CSMD1: variants seen among roughly 807,000 people sequenced by gnomAD.
CSMD1 encodes CUB and Sushi multiple domains 1.
Under a neutral mutation model 417.5 loss-of-function variants are expected in CSMD1, and 213 were observed. That is an observed-to-expected ratio of 0.51 (90% CI 0.46 to 0.57). The LOEUF is 0.57. Among genes scored for constraint, CSMD1 ranks in the 20% least tolerant of loss-of-function variants. The probability of loss-of-function intolerance (pLI) is 0.00; values close to 1 mark genes in which losing one functional copy is unlikely to be tolerated. For missense variants in CSMD1, 6,923 were observed against 4,529.7 expected, an observed-to-expected ratio of 1.53 and a Z score of -15.17; for synonymous variants, 2,862 against 1,736.8, an observed-to-expected ratio of 1.65 and a Z score of -16.11.
intron 3 of CSMD1, among the ~76,000 whole-genome samples, chr8:4,255,301 A>G (rs1803375616): frequency 6.6e-6 from 1 of 152,126 alleles, no homozygotes; most frequent in Non-Finnish European, 1.5e-5. Context: ...GACCTCCTAT[A>G]TTGGTGAACT....
chr8:3,077,862 C>T (rs1347052117), intron 49 of CSMD1, among the ~76,000 whole-genome samples: 1 of 152,236 alleles, frequency 6.6e-6, no homozygotes. Context: ...GCACACAGGG[C>T]ATTTCACTGT....
At chr8:3,894,681 T>C (rs1807235871) in intron 5 of CSMD1, among the ~76,000 whole-genome samples, 1 of 152,154 alleles carries the variant, frequency 6.6e-6, no homozygotes, top group Non-Finnish European at 1.5e-5. Context: ...ATTGAAAAGT[T>C]CATTGATCCT....
chr8:4,482,671 A>G (rs1310700918), intron 2 of CSMD1, among the ~76,000 whole-genome samples: 1 of 152,168 alleles, frequency 6.6e-6, no homozygotes, highest in Non-Finnish European at 1.5e-5. Context: ...GAGTTTCCAC[A>G]CTGTCTTCCA....
At chr8:3,294,153 C>T (rs755067877) in intron 25 of CSMD1, among the ~76,000 whole-genome samples, 2 of 152,198 alleles carry the variant, frequency 1.3e-5, no homozygotes, top group African/African-American at 2.4e-5. Flanking sequence ...TGTTGGTGAA[C>T]AGCAAATGCT....
intron 3 of CSMD1, among the ~76,000 whole-genome samples, chr8:4,273,319 A>G (rs1272601361): frequency 2.0e-5 from 3 of 152,146 alleles, no homozygotes; most frequent in Non-Finnish European, 4.4e-5. Flanking sequence ...TTTTATGTCA[A>G]AAGTCATGAA....
intron 3 of CSMD1, among the ~76,000 whole-genome samples, chr8:4,257,752 A>G (rs1803567661): frequency 6.6e-6 from 1 of 152,168 alleles, no homozygotes; most frequent in Non-Finnish European, 1.5e-5. Flanking sequence ...CCCGTTTGTT[A>G]GGCCAAGGAT....
chr8:4,799,598 CAAAAAAAAA>C (rs1168273531), intron 1 of CSMD1, among the ~76,000 whole-genome samples: 5 of 47,152 alleles, frequency 1.1e-4, no homozygotes, highest in African/African-American at 3.0e-4. Flanking sequence ...GACTCCGTCT[CAAAAAAAAA>C]AAAAAAAAAA....
At chr8:3,462,174 G>T (rs1286496151) in intron 12 of CSMD1, among the ~76,000 whole-genome samples, 1 of 152,062 alleles carries the variant, frequency 6.6e-6, no homozygotes, top group African/African-American at 2.4e-5. Flanking sequence ...TTTCTTTTCA[G>T]GAATCATCCC....
At chr8:3,064,413 C>T (rs113566718) in intron 49 of CSMD1, among the ~76,000 whole-genome samples, 141 of 152,288 alleles carry the variant, frequency 9.3e-4, no homozygotes, top group African/African-American at 3.1e-3. Flanking sequence ...AAGGGACTTG[C>T]TTCCCCTTCG....
At chr8:3,441,170 A>G (rs989803119) in intron 12 of CSMD1, among the ~76,000 whole-genome samples, 11 of 152,072 alleles carry the variant, frequency 7.2e-5, no homozygotes, top group African/African-American at 2.7e-4. Context: ...TAAGCTGTAA[A>G]AGGCTGGGAA....
intron 5 of CSMD1, among the ~76,000 whole-genome samples, chr8:3,897,270 G>C (rs889048690): frequency 4.6e-5 from 7 of 152,172 alleles, no homozygotes; most frequent in Non-Finnish European, 1.0e-4. Flanking sequence ...AGTGTGACTA[G>C]CAATTTTAAT....
chr8:4,916,213 G>A (rs1251038139), intron 1 of CSMD1, among the ~76,000 whole-genome samples: 1 of 152,180 alleles, frequency 6.6e-6, no homozygotes, highest in Non-Finnish European at 1.5e-5. Context: ...CAGCTCCGTA[G>A]ATGACCACAA....
At position 3,475,332 on chromosome 8, in the gene CSMD1, G is replaced by C. The variant is rs572150228; in HGVS notation, c.1449-6508C>G. ...TTGGCCACTTTATCCCTAGTCTCTA[G>C]TAAATAACATAAACATTTTTAAAAT... is the stretch of plus-strand genomic sequence containing the variant. On this transcript the variant is annotated intron_variant, in intron 11 of 69. Transcript: ENST00000635120. Among the ~76,000 whole-genome samples the C allele has an allele frequency of 6.6e-5, 10 of 152,048 alleles. No homozygotes were observed. The South Asian group carries it at 2.1e-3, about 32-fold the overall frequency.
intron 3 of CSMD1, among the ~76,000 whole-genome samples, chr8:4,335,360 T>C (rs574451791): frequency 1.1e-4 from 17 of 152,244 alleles, no homozygotes; most frequent in African/African-American, 3.9e-4. Flanking sequence ...ATTCAATCTA[T>C]AGGAATCTGG....
chr8:4,798,569 A>G (rs1798109954), intron 1 of CSMD1, among the ~76,000 whole-genome samples: 1 of 152,192 alleles, frequency 6.6e-6, no homozygotes, highest in African/African-American at 2.4e-5. Flanking sequence ...GGTGGAAAAT[A>G]AACTCTCAAA....
chr8:4,487,198 T>C (rs1801459961), intron 2 of CSMD1, among the ~76,000 whole-genome samples: 2 of 152,138 alleles, frequency 1.3e-5, no homozygotes, highest in Admixed American at 1.3e-4. Flanking sequence ...ATACTTTAAG[T>C]TTTAGGGTAC....
At chr8:4,038,158 A>T (rs1297786346) in intron 3 of CSMD1, among the ~76,000 whole-genome samples, 1 of 152,180 alleles carries the variant, frequency 6.6e-6, no homozygotes, top group African/African-American at 2.4e-5. Flanking sequence ...AAAGTTATAA[A>T]TTTATGATTT....
chr8:4,270,825 C>G (rs149391371), intron 3 of CSMD1, among the ~76,000 whole-genome samples: 1 of 152,204 alleles, frequency 6.6e-6, no homozygotes, highest in Non-Finnish European at 1.5e-5. Context: ...CCGCCCACCA[C>G]ACTCCGTGAC....
intron 7 of CSMD1, among the ~76,000 whole-genome samples, chr8:3,691,684 G>C (rs191416122): frequency 6.6e-6 from 1 of 151,966 alleles, no homozygotes; most frequent in African/African-American, 2.4e-5. Flanking sequence ...ATTTTTTATA[G>C]CAATGTAATA....
Sources: gnomAD v4.1 joint callset for allele counts (sites outside exome capture counted in the v4.1 genomes callset) on GRCh38, gnomAD v4.1.1 for gene constraint, MANE v1.5 for transcripts, NCBI Gene and HGNC (gene_info 2026-07-23, HGNC 2026-07-21) for gene names.